The following OTOGL variants were observed in gnomAD, a reference collection of about 807,000 sequenced individuals.
The protein encoded by OTOGL is otogelin like.
Under a neutral mutation model 318.5 loss-of-function variants are expected in OTOGL, and 285 were observed. The ratio of observed to expected loss-of-function variants is 0.89; its 90% CI spans 0.81 to 0.99. The LOEUF (loss-of-function observed/expected upper bound fraction) is 0.99, where lower values mean the gene tolerates loss of function less well. Among genes scored for constraint, OTOGL ranks in the 50% least tolerant of loss-of-function variants. The probability of loss-of-function intolerance (pLI) is 0.00; values close to 1 mark genes in which losing one functional copy is unlikely to be tolerated. For synonymous variants in OTOGL, 987 were observed against 936.5 expected (o/e 1.05, Z -0.99); for missense variants, 2,899 against 2,845.6 (o/e 1.02, Z -0.43).
At chr12:80,339,035 A>G (rs1411933336) in intron 42 of OTOGL, 40 bp from the exon 43 acceptor site, 1 of 1,416,240 alleles carries the variant, frequency 7.1e-7, no homozygotes. Context: ...TTGTATATTT[A>G]AGTAAATATT....
At chr12:80,366,549 A>T in intron 52 of OTOGL, 25 bp from the exon 53 acceptor site, 1 of 735,498 alleles carries the variant, frequency 1.4e-6, no homozygotes, top group Non-Finnish European at 1.9e-6. Flanking sequence ...CTAAATGATA[A>T]GTAATAGTAG....
intron 53 of OTOGL, 53 bp downstream of exon 53, chr12:80,366,690 G>GT (rs34113015): frequency 1.4e-5 from 10 of 725,056 alleles, no homozygotes; most frequent in Admixed American, 3.8e-5. Flanking sequence ...ATTAGTATCT[G>GT]TTTTTTCACT....
intron 1 of OTOGL, among the ~76,000 whole-genome samples, chr12:80,192,822 A>G (rs1278137266): frequency 6.6e-6 from 1 of 152,218 alleles, no homozygotes; most frequent in Non-Finnish European, 1.5e-5. Flanking sequence ...GTTAGAAATC[A>G]TTTTTTAAAT....
intron 1 of OTOGL, among the ~76,000 whole-genome samples, chr12:80,138,304 T>G (rs1871710043): frequency 6.6e-6 from 1 of 152,192 alleles, no homozygotes; most frequent in African/African-American, 2.4e-5. Flanking sequence ...TTCTTTCATA[T>G]TCTTAGTTTC....
At position 80,379,645 on chromosome 12, in the gene OTOGL, T is replaced by A. The variant is rs1891359800; in HGVS notation, c.*1597T>A. 6.6e-6 allele frequency: 1 copy of A among 151,850 alleles called. No homozygotes were observed. Among genetic ancestry groups the A allele is most frequent in the African/African-American group, 2.4e-5 (1 of 41,414 alleles). 9.4% of individuals were successfully genotyped at this position (151,850 alleles called of 1,614,324 possible). On this transcript the variant is annotated 3_prime_UTR_variant, in exon 59 of 59. Transcript: ENST00000547103. ...ATATTTCACTTAAGAGAAAATGTTA[T>A]GTATTTCAAATAGAAGTAACTAATG...
intron 19 of OTOGL, among the ~76,000 whole-genome samples, chr12:80,263,030 A>T (rs571874990): frequency 6.6e-6 from 1 of 152,208 alleles, no homozygotes; most frequent in South Asian, 2.1e-4. Flanking sequence ...TTAACATAGG[A>T]TTCTGGTATG....
At chr12:80,239,106 T>C (rs533955583) in intron 10 of OTOGL, 128 bp downstream of exon 10, 3 of 1,183,724 alleles carry the variant, frequency 2.5e-6, no homozygotes, top group Non-Finnish European at 3.4e-6. Context: ...GGAAATGTAA[T>C]TGCAATAGGA....
intron 1 of OTOGL, among the ~76,000 whole-genome samples, chr12:80,195,445 T>G (rs1474562381): frequency 6.6e-6 from 1 of 152,176 alleles, no homozygotes. Flanking sequence ...GAAATCAATT[T>G]CCTATACACA....
intron 1 of OTOGL, among the ~76,000 whole-genome samples, chr12:80,137,089 T>G (rs1871625226): frequency 6.6e-6 from 1 of 152,186 alleles, no homozygotes; most frequent in Non-Finnish European, 1.5e-5. Flanking sequence ...GAAGGACTAT[T>G]TTCCTCTCCA....
intron 33 of OTOGL, among the ~76,000 whole-genome samples, chr12:80,319,066 TA>T (rs1887160614): frequency 6.6e-6 from 1 of 152,160 alleles, no homozygotes; most frequent in Non-Finnish European, 1.5e-5. Flanking sequence ...CCCCCAAAAG[TA>T]AAAGCAAATT....
intron 57 of OTOGL, among the ~76,000 whole-genome samples, chr12:80,374,185 A>G (rs1394948365): frequency 1.3e-5 from 2 of 152,144 alleles, no homozygotes; most frequent in Non-Finnish European, 2.9e-5. Context: ...ATCTGCTCCA[A>G]ACCTCTTTCC....
chr12:80,111,041 C>T (rs1370219681), intron 1 of OTOGL, among the ~76,000 whole-genome samples: 1 of 152,188 alleles, frequency 6.6e-6, no homozygotes, highest in African/African-American at 2.4e-5. Flanking sequence ...GGCTGCATGG[C>T]TGCATAAATG....
chr12:80,318,281 ACT>A (rs1378049470), intron 32 of OTOGL, among the ~76,000 whole-genome samples: 1 of 152,138 alleles, frequency 6.6e-6, no homozygotes, highest in Non-Finnish European at 1.5e-5. Context: ...AGTAAAATAC[ACT>A]GAGTGCAGTA....
At chr12:80,305,754 T>A in intron 29 of OTOGL, 59 bp downstream of exon 29, 1 of 1,272,006 alleles carries the variant, frequency 7.9e-7, no homozygotes, top group Non-Finnish European at 1.0e-6. Context: ...ATTTTTTCAC[T>A]AGAACATTTT....
At chr12:80,348,718 G>T (rs996110843) in intron 44 of OTOGL, among the ~76,000 whole-genome samples, 1 of 152,092 alleles carries the variant, frequency 6.6e-6, no homozygotes, top group South Asian at 2.1e-4. Flanking sequence ...CTCCAGCCAC[G>T]TCTTGTGCTA....
chr12:80,219,769 C>T, intron 5 of OTOGL, 45 bp from the exon 6 acceptor site: 2 of 1,266,206 alleles, frequency 1.6e-6, no homozygotes, highest in Non-Finnish European at 2.2e-6. Flanking sequence ...CTTAAAAGAA[C>T]AAATGGATGC....
At chr12:80,311,396 G>T (rs1886624824) in intron 30 of OTOGL, among the ~76,000 whole-genome samples, 1 of 152,148 alleles carries the variant, frequency 6.6e-6, no homozygotes, top group Admixed American at 6.5e-5. Context: ...CAGACATTCA[G>T]ACAGGGATAT....
At chr12:80,291,525 G>A (rs375354316) in intron 26 of OTOGL, among the ~76,000 whole-genome samples, 140 of 152,282 alleles carry the variant, frequency 9.2e-4, no homozygotes, top group African/African-American at 1.6e-3. Flanking sequence ...TCTTCTTGAG[G>A]TTCTAAAATA....
chr12:80,336,819 T>TAGTGAGTATTTGCAA lies in OTOGL; in HGVS notation c.4767+4_4767+18dup. The TAGTGAGTATTTGCAA allele has an allele frequency of 1.3e-6, 2 of 1,529,848 alleles. No individual in the cohort carries two copies. The highest frequency in any genetic ancestry group is 2.8e-5 in the African/African-American group (2 of 72,430). The allele number at this position is 1,529,848 out of a possible 1,614,324, so 94.8% of individuals were successfully genotyped here. ...CAGAATGGAAACTCCTTAAAAAAGC[T>TAGTGAGTATTTGCAA]AGTGAGTATTTGCAAAGTGTTTAGT... is the stretch of plus-strand genomic sequence containing the variant. On this transcript the variant is annotated inframe_insertion and splice_region_variant, in exon 41 of 59. Coordinates refer to ENST00000547103, the MANE Select transcript of OTOGL (RefSeq NM_001378609.3).
Sources: gnomAD v4.1 joint callset for allele counts (sites outside exome capture counted in the v4.1 genomes callset) on GRCh38, gnomAD v4.1.1 for gene constraint, MANE v1.5 for transcripts, NCBI Gene and HGNC (gene_info 2026-07-23, HGNC 2026-07-21) for gene names.